Variants in ELP4 observed in about 807,000 individuals in gnomAD.
ELP4 encodes elongator complex protein 4.
Under a neutral mutation model 48.9 loss-of-function variants are expected in ELP4, and 51 were observed. The observed-to-expected ratio is 1.04, with a 90% CI of 0.83 to 1.32. The LOEUF (loss-of-function observed/expected upper bound fraction) is 1.32. Ranked by LOEUF, ELP4 falls within the 40% of genes most tolerant of loss-of-function variation. The pLI is 0.00. For synonymous variants in ELP4, 210 were observed against 189.2 expected (o/e 1.11, Z -0.90); for missense variants, 519 against 514.6 (o/e 1.01, Z -0.08).
At chr11:31,737,557 T>C (rs1336178842) in intron 9 of ELP4, among the ~76,000 whole-genome samples, 1 of 152,094 alleles carries the variant, frequency 6.6e-6, no homozygotes, top group Non-Finnish European at 1.5e-5. Context: ...GAGAAAATAC[T>C]TGCAAATCTG....
intron 9 of ELP4, among the ~76,000 whole-genome samples, chr11:31,777,230 A>G (rs1175996105): frequency 1.3e-5 from 2 of 152,130 alleles, no homozygotes; most frequent in African/African-American, 4.8e-5. Flanking sequence ...TATCATAGCC[A>G]TACTATGATG....
chr11:31,688,703 A>C (rs951136689), intron 9 of ELP4, among the ~76,000 whole-genome samples: 3 of 152,254 alleles, frequency 2.0e-5, no homozygotes, highest in African/African-American at 7.2e-5. Context: ...ATGAACTTCC[A>C]GTATTGCTAT....
intron 9 of ELP4, among the ~76,000 whole-genome samples, chr11:31,659,786 G>A (rs548014638): frequency 2.2e-4 from 34 of 152,156 alleles, no homozygotes; most frequent in African/African-American, 7.0e-4. Flanking sequence ...TCAGGGGTTC[G>A]AGACCAGCCT....
chr11:31,547,084 C>G lies in ELP4; in HGVS notation c.381+7301C>G, dbSNP rs1360070933. ...CATCACAATTAAAAGAACTAGAGAA[C>G]CAAGAGCAAACACATTGAAAAGCTA... is the stretch of plus-strand genomic sequence containing the variant. On this transcript the variant is annotated intron_variant, in intron 3 of 9. Transcript: ENST00000640961. Among the ~76,000 whole-genome samples, 36 of 151,992 alleles carry G rather than the reference C, an allele frequency of 2.4e-4. No homozygotes were observed. In the East Asian group the frequency reaches 5.4e-3, roughly 23 times the overall value.
At chr11:31,747,033 C>CTGTGTGTG (rs34776621) in intron 9 of ELP4, among the ~76,000 whole-genome samples, 18 of 149,954 alleles carry the variant, frequency 1.2e-4, no homozygotes, top group African/African-American at 3.7e-4. Flanking sequence ...CAGACTAACA[C>CTGTGTGTG]TGTGTGTGTG....
At chr11:31,514,351 C>G (rs1377476625) in intron 1 of ELP4, among the ~76,000 whole-genome samples, 2 of 152,066 alleles carry the variant, frequency 1.3e-5, no homozygotes, top group Non-Finnish European at 2.9e-5. Flanking sequence ...CCCAGCTACT[C>G]AGGAGGCTGA....
chr11:31,584,725 G>C (rs1212234621), intron 3 of ELP4, among the ~76,000 whole-genome samples: 2 of 151,894 alleles, frequency 1.3e-5, no homozygotes, highest in South Asian at 4.2e-4. Flanking sequence ...GGGTTTCGCC[G>C]TGTTGGGCAG....
At chr11:31,657,737 C>T (rs1161820260) in intron 9 of ELP4, among the ~76,000 whole-genome samples, 1 of 151,904 alleles carries the variant, frequency 6.6e-6, no homozygotes, top group Non-Finnish European at 1.5e-5. Context: ...ATATAACCTT[C>T]CTTCCCAAAG....
chr11:31,775,699 G>A (rs1169103116), intron 9 of ELP4, among the ~76,000 whole-genome samples: 1 of 152,092 alleles, frequency 6.6e-6, no homozygotes, highest in East Asian at 1.9e-4. Context: ...AGGTGCGATG[G>A]TTCACACCTG....
At chr11:31,626,349 A>G (rs570546301) in intron 5 of ELP4, among the ~76,000 whole-genome samples, 1 of 151,972 alleles carries the variant, frequency 6.6e-6, no homozygotes, top group East Asian at 1.9e-4. Context: ...TGCTATGCTC[A>G]TGACATTATC....
At chr11:31,627,373 A>C (rs1944768662) in intron 6 of ELP4, among the ~76,000 whole-genome samples, 179 bp downstream of exon 6, 1 of 151,990 alleles carries the variant, frequency 6.6e-6, no homozygotes. Flanking sequence ...GTTACTGTGT[A>C]TTTAGAGTTT....
At chr11:31,782,966 A>G (rs544447892) in intron 9 of ELP4, among the ~76,000 whole-genome samples, 2 of 152,356 alleles carry the variant, frequency 1.3e-5, no homozygotes, top group African/African-American at 4.8e-5. Flanking sequence ...ATTGCTGAAA[A>G]GCTACATTTG....
intron 9 of ELP4, chr11:31,719,632 A>G (rs182273903): frequency 2.5e-6 from 1 of 394,648 alleles, no homozygotes; most frequent in Admixed American, 4.4e-5. Flanking sequence ...CTTCACTAAA[A>G]GTTTTTATGT....
chr11:31,669,284 C>T (rs575084208), intron 9 of ELP4, among the ~76,000 whole-genome samples: 28 of 151,892 alleles, frequency 1.8e-4, no homozygotes, highest in Middle Eastern at 6.3e-3. Context: ...ACAGGTTTCA[C>T]CATGTTGGCC....
intron 9 of ELP4, among the ~76,000 whole-genome samples, chr11:31,655,166 A>G (rs1945403866): frequency 6.6e-6 from 1 of 152,102 alleles, no homozygotes; most frequent in Admixed American, 6.6e-5. Context: ...TCTCATGTTT[A>G]TGCTTTTATT....
chr11:31,549,645 C>T (rs530515234), intron 3 of ELP4, among the ~76,000 whole-genome samples: 1 of 151,850 alleles, frequency 6.6e-6, no homozygotes, highest in Non-Finnish European at 1.5e-5. Flanking sequence ...GGGTATATAC[C>T]CAAAGGACTA....
intron 9 of ELP4, among the ~76,000 whole-genome samples, chr11:31,686,382 A>G (rs752526111): frequency 3.5e-5 from 5 of 143,260 alleles, no homozygotes; most frequent in Non-Finnish European, 7.5e-5. Flanking sequence ...TATCTTAAGT[A>G]CAAACATATT....
chr11:31,740,689 A>G (rs1374829219), intron 9 of ELP4, among the ~76,000 whole-genome samples: 1 of 152,252 alleles, frequency 6.6e-6, no homozygotes, highest in Non-Finnish European at 1.5e-5. Context: ...TACTGCCAAC[A>G]AATGTGAAAC....
chr11:31,789,989 A>C lies in ELP4; in HGVS notation c.*6465A>C. ...ATCAGGTTCACTTCCGGGAACTTGA[A>C]CTGGAACTGACACACCAGGGGAAAT... On this transcript the variant is annotated 3_prime_UTR_variant, in exon 10 of 10. Coordinates refer to ENST00000640961, the MANE Select transcript of ELP4 (RefSeq NM_019040.5). 1 of 1,600,816 alleles carries C rather than the reference A, an allele frequency of 6.2e-7. No homozygotes were observed. Among genetic ancestry groups the C allele is most frequent in the Non-Finnish European group, 8.5e-7 (1 of 1,177,180 alleles).
Sources: allele counts gnomAD v4.1 joint callset (sites outside exome capture counted in the v4.1 genomes callset), GRCh38; gene constraint gnomAD v4.1.1; transcripts MANE v1.5; gene names NCBI Gene and HGNC (gene_info 2026-07-23, HGNC 2026-07-21).